The following RPS6KA5 variants were observed in gnomAD, a reference collection of about 807,000 sequenced individuals.
RPS6KA5 encodes the protein ribosomal protein S6 kinase A5.
RPS6KA5 carries 27 observed loss-of-function variants against 85.5 expected under a neutral mutation model. That is an observed-to-expected ratio of 0.32 (90% CI 0.23 to 0.44). The LOEUF (loss-of-function observed/expected upper bound fraction) is 0.44, where lower values mean the gene tolerates loss of function less well. Ranked by LOEUF, RPS6KA5 falls within the 20% of genes least tolerant of loss-of-function variation. The pLI, the probability that RPS6KA5 is intolerant of heterozygous loss-of-function variation, is 1.00. For synonymous variants in RPS6KA5, 334 were observed against 348.2 expected (o/e 0.96, Z 0.46); for missense variants, 811 against 980.9 (o/e 0.83, Z 2.31).
intron 4 of RPS6KA5, 74 bp from the exon 5 acceptor site, chr14:90,943,259 CT>C: frequency 1.3e-6 from 1 of 786,134 alleles, no homozygotes; most frequent in Non-Finnish European, 2.0e-6. Flanking sequence ...TCTCGTCTAC[CT>C]TTATTTATTT....
At chr14:91,059,931 G>A in intron 1 of RPS6KA5, 3 of 658,600 alleles carry the variant, frequency 4.6e-6, no homozygotes, top group Non-Finnish European at 5.7e-6. Context: ...GGAGGAGGGA[G>A]ACACTCTCCA....
intron 2 of RPS6KA5, among the ~76,000 whole-genome samples, chr14:90,999,621 C>T (rs945509952): frequency 3.3e-5 from 5 of 152,166 alleles, no homozygotes; most frequent in African/African-American, 1.2e-4. Context: ...CAGTCCAGGA[C>T]AGGGAGAGAA....
intron 4 of RPS6KA5, among the ~76,000 whole-genome samples, chr14:90,944,711 T>C (rs980066129): frequency 1.3e-5 from 2 of 149,898 alleles, no homozygotes; most frequent in African/African-American, 4.9e-5. Context: ...GCTGAGATCG[T>C]GCCACTGCAC....
intron 1 of RPS6KA5, among the ~76,000 whole-genome samples, chr14:91,056,693 G>A (rs1286510536): frequency 1.3e-5 from 2 of 151,940 alleles, no homozygotes; most frequent in Non-Finnish European, 2.9e-5. Context: ...GTATGTAAGA[G>A]GAAATAAAAT....
rs566586141 is a variant in RPS6KA5, at chr14:91,032,026, C to A, written c.103+28306G>T. On this transcript the variant is annotated intron_variant, in intron 1 of 16. Coordinates refer to ENST00000614987, the MANE Select transcript of RPS6KA5 (RefSeq NM_004755.4). The stretch of plus-strand genomic sequence containing the variant: ...AAGAATATTTATTGAGTACTCTTTG[C>A]GGGCGACATTATAGGCAGGTCCACT... Among the ~76,000 whole-genome samples the A allele has an allele frequency of 2.6e-5, 4 of 152,186 alleles. No individual in the cohort carries two copies. In the South Asian group the frequency reaches 6.2e-4, roughly 24 times the overall value.
intron 1 of RPS6KA5, among the ~76,000 whole-genome samples, chr14:91,045,738 T>C (rs1331535483): frequency 6.6e-6 from 1 of 152,234 alleles, no homozygotes; most frequent in Admixed American, 6.5e-5. Context: ...AGTCATCTTG[T>C]TACAAAGCAA....
chr14:91,035,847 C>CAAAAAAAAAAAAAA (rs199625173), intron 1 of RPS6KA5, among the ~76,000 whole-genome samples: 12 of 69,900 alleles, frequency 1.7e-4, no homozygotes, highest in African/African-American at 2.0e-4. Context: ...CCCTCACCTT[C>CAAAAAAAAAAAAAA]AAAAAAAAAA....
At chr14:90,938,173 C>G (rs749466519) in intron 5 of RPS6KA5, among the ~76,000 whole-genome samples, 4 of 152,202 alleles carry the variant, frequency 2.6e-5, no homozygotes, top group Non-Finnish European at 5.9e-5. Context: ...CATGCAAGTC[C>G]AAAATCCAGC....
At position 91,014,890 on chromosome 14, in the gene RPS6KA5, A is replaced by C. The variant is rs138090904; in HGVS notation, c.104-13731T>G. ...ATATTTGATGACCATAAACTTTATA[A>C]AATGTTTTAAAAGTATATGAAGTAT... On this transcript the variant is annotated intron_variant, in intron 1 of 16. Coordinates refer to ENST00000614987, the MANE Select transcript of RPS6KA5 (RefSeq NM_004755.4). Among the ~76,000 whole-genome samples the C allele has an allele frequency of 4.0e-3, 616 of 152,336 alleles. 1 individual carries two copies. The highest frequency in any genetic ancestry group is 6.1e-3 in the Admixed American group (93 of 15,304).
rs759640790 is a variant in RPS6KA5, at chr14:90,875,258, A to T, written c.1939T>A (p.Ser647Thr). 2.6e-5 allele frequency: 42 copies of T among 1,613,862 alleles called. No individual in the cohort carries two copies. The Middle Eastern group carries it at 2.1e-3, about 82-fold the overall frequency. The stretch of plus-strand genomic sequence containing the variant: ...TTCTTCCAGGCTTCTCCTTCAAAGG[A>T]GAAATCTCCCTTTTTAATTTTCTTC... ...IMKKIKKGDF[S>T]FEGEAWKNVS... is the part of the protein sequence containing the mutation. The change falls in exon 15 of 17, where the codon TCC (serine) becomes ACC (threonine). Residue 647 changes from serine (S) to threonine (T), a missense_variant. Physicochemically the swap from Ser to Thr is moderately conservative, Grantham distance 58. Around this residue, in one of 3 missense-constraint regions of RPS6KA5, gnomAD observed 650 missense variants for 793.4 expected, o/e 0.82. Coordinates refer to ENST00000614987, the MANE Select transcript of RPS6KA5 (RefSeq NM_004755.4).
At position 90,865,808 on chromosome 14, in the gene RPS6KA5, C is replaced by G. The variant is rs1213737520; in HGVS notation, c.*6266G>C. 6.6e-6 allele frequency: 1 copy of G among 152,130 alleles called. No homozygotes were observed. 9.4% of individuals were successfully genotyped at this position (152,130 alleles called of 1,614,324 possible). A position where few individuals can be genotyped will look rare whatever the true frequency, so the allele number is the denominator to read the frequency against. On this transcript the variant is annotated 3_prime_UTR_variant, in exon 17 of 17. Coordinates refer to ENST00000614987, the MANE Select transcript of RPS6KA5 (RefSeq NM_004755.4). ...TGAAGCTTATAAGTTCCTTTATGTA[C>G]ACAGTAGACAAAGCCTTTTAAAGAG...
chr14:91,035,285 T>C (rs1352768867), intron 1 of RPS6KA5, among the ~76,000 whole-genome samples: 1 of 151,564 alleles, frequency 6.6e-6, no homozygotes, highest in Non-Finnish European at 1.5e-5. Context: ...GACAGAGTAT[T>C]ACAACCTTCA....
At position 90,872,327 on chromosome 14, in the gene RPS6KA5, C is replaced by A. The variant is rs746544678; in HGVS notation, c.2161-5G>T. 13 of 1,589,088 alleles carry A rather than the reference C, an allele frequency of 8.2e-6. No individual in the cohort carries two copies. The Admixed American group carries it at 1.1e-4, about 14-fold the overall frequency. ...TCTCTTGTATTTGTTAAAGGCCTGG[C>A]GGGGGAAAAAAAGGGAACCCCTGTG... On this transcript the variant is annotated splice_region_variant and splice_polypyrimidine_tract_variant and intron_variant, in intron 16 of 16. Coordinates refer to ENST00000614987, the MANE Select transcript of RPS6KA5 (RefSeq NM_004755.4).
At position 91,003,306 on chromosome 14, in the gene RPS6KA5, GAAGAT is replaced by G. The variant is rs528864382; in HGVS notation, c.104-2152_104-2148del. ...TTATCTATATTTGCTGCTACACTAAGAAGATAAGGAATTATTTTTTGATACACAGA... is the reference window on the plus strand; with the variant it reads ...TTATCTATATTTGCTGCTACACTAAGAAGGAATTATTTTTTGATACACAGA... On this transcript the variant is annotated intron_variant, in intron 1 of 16. Transcript: ENST00000614987. 3.2e-3 allele frequency among the ~76,000 whole-genome samples: 493 copies of G among 151,802 alleles called. 1 individual carries two copies. Among genetic ancestry groups the G allele is most frequent in the Non-Finnish European group, 5.0e-3 (340 of 67,950 alleles).
intron 1 of RPS6KA5, among the ~76,000 whole-genome samples, chr14:91,032,105 T>A (rs1025564374): frequency 1.3e-5 from 2 of 152,164 alleles, no homozygotes; most frequent in African/African-American, 4.8e-5. Context: ...AAGCTCAATA[T>A]CTGATTTCAT....
chr14:90,996,751 A>C (rs1391828490), intron 2 of RPS6KA5, among the ~76,000 whole-genome samples: 1 of 152,202 alleles, frequency 6.6e-6, no homozygotes, highest in African/African-American at 2.4e-5. Flanking sequence ...GAATCTCTAA[A>C]GCATGGAAAG....
At chr14:91,013,534 T>C (rs902286972) in intron 1 of RPS6KA5, among the ~76,000 whole-genome samples, 2 of 146,690 alleles carry the variant, frequency 1.4e-5, no homozygotes, top group Non-Finnish European at 3.0e-5. Context: ...ACATGGCATA[T>C]CTGAGAATCT....
intron 1 of RPS6KA5, among the ~76,000 whole-genome samples, chr14:91,046,477 G>A (rs1003513660): frequency 1.3e-5 from 2 of 152,160 alleles, no homozygotes; most frequent in Admixed American, 6.5e-5. Context: ...CAAATCTACC[G>A]CTAAGACTCT....
At chr14:91,017,324 G>A (rs1048476999) in intron 1 of RPS6KA5, among the ~76,000 whole-genome samples, 1 of 152,164 alleles carries the variant, frequency 6.6e-6, no homozygotes, top group Admixed American at 6.5e-5. Context: ...TGCCTTCCCT[G>A]CACACAATAT....
Sources: allele counts gnomAD v4.1 joint callset (sites outside exome capture counted in the v4.1 genomes callset), GRCh38; gene constraint gnomAD v4.1.1; regional missense constraint gnomAD v4.1.1; transcripts MANE v1.5; gene names NCBI Gene and HGNC (gene_info 2026-07-23, HGNC 2026-07-21).